Variants in SP4 observed in about 807,000 individuals in gnomAD.
SP4 encodes transcription factor Sp4.
A neutral mutation model predicts 72.8 loss-of-function variants in SP4; 19 were observed. That is an observed-to-expected ratio of 0.26 (90% CI 0.18 to 0.38). SP4 has a LOEUF of 0.38. SP4 is among the 10% of genes least tolerant of loss of function. SP4 has a pLI of 1.00. For synonymous variants in SP4, 395 were observed against 333.1 expected (o/e 1.19, Z -2.02); for missense variants, 1,008 against 926.3 (o/e 1.09, Z -1.14).
rs1782214313 is a variant in SP4, at chr7:21,514,307, TTTA to T, written c.*3041_*3043del. On this transcript the variant is annotated 3_prime_UTR_variant, in exon 6 of 6. Coordinates refer to ENST00000222584, the MANE Select transcript of SP4 (RefSeq NM_003112.5). ...TCCTATTTTTCAATTTTATAACTGT[TTTA>T]TTGCAACAATATTTGTATTTAAGTC... 6.6e-6 allele frequency: 1 copy of T among 152,582 alleles called. No individual in the cohort carries two copies. The highest frequency in any genetic ancestry group is 2.4e-5 in the African/African-American group (1 of 41,436). The allele number at this position is 152,582 out of a possible 1,614,324, so 9.5% of individuals were successfully genotyped here.
chr7:21,488,479 C>CTTTTTTTTTT (rs59893862), intron 5 of SP4, among the ~76,000 whole-genome samples: 5 of 133,232 alleles, frequency 3.8e-5, no homozygotes, highest in Admixed American at 7.5e-5. Context: ...ACTTCCTTTC[C>CTTTTTTTTTT]TTTTTTTTTT....
intron 3 of SP4, among the ~76,000 whole-genome samples, chr7:21,456,576 A>G (rs1177685687): frequency 1.3e-5 from 2 of 152,212 alleles, no homozygotes; most frequent in Non-Finnish European, 2.9e-5. Flanking sequence ...GTCAGGTGGC[A>G]TGCAAAGTGA....
intron 3 of SP4, among the ~76,000 whole-genome samples, chr7:21,439,171 T>C (rs999669672): frequency 6.6e-6 from 1 of 152,200 alleles, no homozygotes; most frequent in African/African-American, 2.4e-5. Context: ...ACTGTCACTT[T>C]AGTGTGAACA....
intron 5 of SP4, among the ~76,000 whole-genome samples, chr7:21,494,795 G>A (rs1018909579): frequency 1.3e-5 from 2 of 152,042 alleles, no homozygotes; most frequent in Non-Finnish European, 2.9e-5. Context: ...TATATGAAAG[G>A]CAAAGCAATT....
At chr7:21,429,264 T>A in intron 2 of SP4, 25 bp from the exon 3 acceptor site, 1 of 1,075,976 alleles carries the variant, frequency 9.3e-7, no homozygotes, top group Non-Finnish European at 1.3e-6. Context: ...CCCCCCCCTC[T>A]CCTTTACCGT....
chr7:21,496,270 T>TA (rs1359749083), intron 5 of SP4, among the ~76,000 whole-genome samples: 1 of 152,168 alleles, frequency 6.6e-6, no homozygotes, highest in Non-Finnish European at 1.5e-5. Flanking sequence ...ACATAAATGT[T>TA]AAAAAAGTGG....
chr7:21,472,370 G>T (rs533321610), intron 3 of SP4, among the ~76,000 whole-genome samples: 1 of 151,992 alleles, frequency 6.6e-6, no homozygotes, highest in East Asian at 2.0e-4. Context: ...CTGAAGTCTT[G>T]ATCCCCAGGG....
intron 3 of SP4, among the ~76,000 whole-genome samples, chr7:21,446,362 CTA>C (rs1342924536): frequency 6.6e-6 from 1 of 151,880 alleles, no homozygotes; most frequent in African/African-American, 2.4e-5. Flanking sequence ...GTAGTGGTAA[CTA>C]TGTATAATTT....
At chr7:21,453,831 C>T (rs887060975) in intron 3 of SP4, among the ~76,000 whole-genome samples, 21 of 152,160 alleles carry the variant, frequency 1.4e-4, no homozygotes, top group African/African-American at 4.3e-4. Flanking sequence ...TGTTAGCTAA[C>T]GTGTTCACAC....
chr7:21,446,602 A>C (rs951716150), intron 3 of SP4, among the ~76,000 whole-genome samples: 6 of 152,200 alleles, frequency 3.9e-5, no homozygotes, highest in African/African-American at 9.6e-5. Context: ...AGGTACTTTC[A>C]TTTAGTGTTA....
At chr7:21,510,834 T>A (rs926010228) in intron 5 of SP4, among the ~76,000 whole-genome samples, 188 bp from the exon 6 acceptor site, 2 of 152,264 alleles carry the variant, frequency 1.3e-5, no homozygotes, top group African/African-American at 4.8e-5. Flanking sequence ...TCAGGTCTTT[T>A]CGTCTCAATC....
intron 2 of SP4, chr7:21,429,046 A>C: frequency 1.7e-6 from 1 of 579,290 alleles, no homozygotes; most frequent in Non-Finnish European, 3.1e-6. Flanking sequence ...GAGTTTAGGA[A>C]CATAACACTT....
intron 3 of SP4, among the ~76,000 whole-genome samples, chr7:21,460,553 G>C (rs191724168): frequency 6.4e-4 from 98 of 152,302 alleles, no homozygotes; most frequent in African/African-American, 2.1e-3. Context: ...AAGGGGACCC[G>C]AGCGGGTTGC....
intron 3 of SP4, among the ~76,000 whole-genome samples, chr7:21,464,581 A>ATTTTTTTT (rs11299447): frequency 7.0e-6 from 1 of 142,322 alleles, no homozygotes; most frequent in Non-Finnish European, 1.5e-5. Flanking sequence ...TCTATTTTCT[A>ATTTTTTTT]TTTTTTTTTT....
chr7:21,508,719 C>A (rs1284603764), intron 5 of SP4, among the ~76,000 whole-genome samples: 1 of 152,016 alleles, frequency 6.6e-6, no homozygotes, highest in Non-Finnish European at 1.5e-5. Flanking sequence ...CTAGCTAGAC[C>A]CTGGAATAAG....
In SP4 at chr7:21,511,612, G is replaced by T; in HGVS notation, c.*343G>T. ...GTAGTTTGCAGGCTGGACCTTAATT[G>T]GACTTATTTTCTTTGAAAGTACTTT... On this transcript the variant is annotated 3_prime_UTR_variant, in exon 6 of 6. Transcript: ENST00000222584. 1 of 190,232 alleles carries T rather than the reference G, an allele frequency of 5.3e-6. No individual in the cohort carries two copies. Among genetic ancestry groups the T allele is most frequent in the South Asian group, 1.3e-4 (1 of 7,584 alleles). The allele number at this position is 190,232 out of a possible 1,614,324, so 11.8% of individuals were successfully genotyped here.
At chr7:21,476,152 T>G (rs1443397967) in intron 3 of SP4, among the ~76,000 whole-genome samples, 3 of 151,708 alleles carry the variant, frequency 2.0e-5, no homozygotes, top group Non-Finnish European at 4.4e-5. Flanking sequence ...CACACGCCTG[T>G]CATCCCAGCT....
intron 3 of SP4, among the ~76,000 whole-genome samples, chr7:21,446,399 C>G (rs1054480160): frequency 3.9e-5 from 6 of 151,912 alleles, no homozygotes; most frequent in African/African-American, 1.5e-4. Context: ...AAACATGTTT[C>G]ATTCCATAAG....
intron 5 of SP4, among the ~76,000 whole-genome samples, chr7:21,492,058 A>G (rs955494221): frequency 3.3e-5 from 5 of 152,172 alleles, no homozygotes; most frequent in South Asian, 2.1e-4. Context: ...TCTTTAACAT[A>G]TGTCTATTTA....
Sources: gnomAD v4.1 joint callset for allele counts (sites outside exome capture counted in the v4.1 genomes callset) on GRCh38, gnomAD v4.1.1 for gene constraint, MANE v1.5 for transcripts, NCBI Gene and HGNC (gene_info 2026-07-23, HGNC 2026-07-21) for gene names.